PHF14: variants seen among roughly 807,000 people sequenced by gnomAD.
The protein encoded by PHF14 is PHD finger protein 14.
In PHF14, 55 loss-of-function variants were observed where a neutral mutation model predicts 117.9. The observed-to-expected ratio is 0.47, with a 90% CI of 0.38 to 0.58. The LOEUF is 0.58. Among genes scored for constraint, PHF14 ranks in the 20% least tolerant of loss-of-function variants. PHF14 has a pLI of 0.00. For missense variants in PHF14, 978 were observed against 1,122.2 expected (o/e 0.87, Z 1.84); for synonymous variants, 409 against 368.6 (o/e 1.11, Z -1.26).
intron 16 of PHF14, among the ~76,000 whole-genome samples, chr7:11,093,339 C>T (rs529800375): frequency 1.1e-4 from 17 of 152,216 alleles, no homozygotes; most frequent in African/African-American, 3.1e-4. Context: ...AGAATACTTA[C>T]GCCTGAAAAG....
chr7:11,059,029 G>A (rs957608574), intron 14 of PHF14, among the ~76,000 whole-genome samples: 5 of 152,056 alleles, frequency 3.3e-5, no homozygotes, highest in African/African-American at 9.7e-5. Context: ...GGTAATAAAT[G>A]TACTTAAAGT....
At chr7:11,044,988 TG>T (rs1180008488) in intron 13 of PHF14, among the ~76,000 whole-genome samples, 4 of 152,216 alleles carry the variant, frequency 2.6e-5, no homozygotes, top group Admixed American at 2.6e-4. Flanking sequence ...ATTTGGATTT[TG>T]GAGCACTTCA....
intron 7 of PHF14, among the ~76,000 whole-genome samples, chr7:11,032,096 C>G (rs1784140608): frequency 6.6e-6 from 1 of 151,662 alleles, no homozygotes; most frequent in Non-Finnish European, 1.5e-5. Context: ...AAGACCCAAT[C>G]TCTACACAAA....
chr7:11,140,688 A>G (rs916974721), intron 17 of PHF14, among the ~76,000 whole-genome samples: 9 of 152,270 alleles, frequency 5.9e-5, no homozygotes, highest in African/African-American at 1.9e-4. Flanking sequence ...ATTTCAAGCA[A>G]GGAAGTTGAA....
In PHF14 at chr7:11,051,674, C is replaced by T; in HGVS notation, c.2375C>T (p.Thr792Ile). ...ATGGAAGCAGATATGGCCATGGAAA[C>T]CCTACCAGATGGAACCAAACGATCA... ...SDMEADMAME[T>I]LPDGTKRSRR... is the part of the protein sequence containing the mutation. The change falls in exon 14 of 18, where the codon ACC becomes ATC. Residue 792 changes from threonine (T) to isoleucine (I), a missense_variant. Physicochemically the swap from Thr to Ile is moderately conservative, Grantham distance 89. This residue lies in a region of PHF14 where 180 missense variants were observed against 195.4 expected (regional missense o/e 0.92). Coordinates refer to ENST00000634607, the MANE Select transcript of PHF14 (RefSeq NM_001007157.2). 1 of 1,613,570 alleles carries T rather than the reference C, an allele frequency of 6.2e-7. No homozygotes were observed. The highest frequency in any genetic ancestry group is 8.5e-7 in the Non-Finnish European group (1 of 1,179,686).
At chr7:11,017,254 G>A (rs112693107) in intron 5 of PHF14, among the ~76,000 whole-genome samples, 2,288 of 151,644 alleles carry the variant, frequency 0.015, 47 homozygotes, top group African/African-American at 0.053. Context: ...CCTTTCTTTC[G>A]GATGTATACC....
intron 16 of PHF14, among the ~76,000 whole-genome samples, chr7:11,072,437 C>A (rs969596674): frequency 6.6e-6 from 1 of 152,160 alleles, no homozygotes; most frequent in Non-Finnish European, 1.5e-5. Context: ...CGTATCCAAA[C>A]TATATCAAGG....
intron 17 of PHF14, among the ~76,000 whole-genome samples, chr7:11,116,034 A>G (rs1787592885): frequency 6.6e-6 from 1 of 151,968 alleles, no homozygotes; most frequent in Admixed American, 6.6e-5. Context: ...CTGGGGAAGA[A>G]CCTTGAGACT....
At chr7:11,072,970 TGAGG>T (rs536098837) in intron 16 of PHF14, among the ~76,000 whole-genome samples, 1 of 152,198 alleles carries the variant, frequency 6.6e-6, no homozygotes, top group Non-Finnish European at 1.5e-5. Flanking sequence ...CAAGCATTCA[TGAGG>T]GATCTGCCCC....
At chr7:11,023,126 TTTTC>T in intron 6 of PHF14, 147 bp downstream of exon 6, 2 of 512,218 alleles carry the variant, frequency 3.9e-6, no homozygotes, top group Non-Finnish European at 7.0e-6. Context: ...TTGATAGTAG[TTTTC>T]CTAGAAAGCC....
intron 2 of PHF14, among the ~76,000 whole-genome samples, chr7:10,980,208 G>A (rs17163862): frequency 1.5e-3 from 227 of 152,080 alleles, no homozygotes; most frequent in African/African-American, 5.2e-3. Context: ...TTACTTTTGC[G>A]TCTATCGTGA....
intron 16 of PHF14, among the ~76,000 whole-genome samples, chr7:11,100,410 G>A (rs1203008981): frequency 1.3e-5 from 2 of 151,830 alleles, no homozygotes; most frequent in Non-Finnish European, 1.5e-5. Context: ...AGTCCTATGA[G>A]GTATATATAT....
At chr7:11,036,832 GT>G in intron 9 of PHF14, 144 bp downstream of exon 9, 1 of 976,044 alleles carries the variant, frequency 1.0e-6, no homozygotes, top group South Asian at 1.7e-5. Flanking sequence ...TATGTTGTGG[GT>G]TTTTACAAAA....
intron 16 of PHF14, chr7:11,106,972 A>T (rs1276391953): frequency 4.0e-5 from 39 of 983,226 alleles, no homozygotes; most frequent in Non-Finnish European, 4.6e-5. Flanking sequence ...AAAAATGTAC[A>T]TCCTTGTTCA....
chr7:10,978,453 C>G (rs1237300309), intron 2 of PHF14, among the ~76,000 whole-genome samples: 1 of 152,070 alleles, frequency 6.6e-6, no homozygotes, highest in Admixed American at 6.6e-5. Flanking sequence ...TTTAGATAAA[C>G]AGCAATCTTG....
intron 17 of PHF14, among the ~76,000 whole-genome samples, chr7:11,139,163 A>G (rs1323522983): frequency 6.6e-6 from 1 of 152,136 alleles, no homozygotes; most frequent in Admixed American, 6.5e-5. Context: ...ATTTAACACA[A>G]AATTTGCCAC....
chr7:11,119,506 G>A (rs1000018324), intron 17 of PHF14, among the ~76,000 whole-genome samples: 1 of 151,624 alleles, frequency 6.6e-6, no homozygotes, highest in Non-Finnish European at 1.5e-5. Context: ...CATGTTCATT[G>A]TGAAAAGATA....
At chr7:11,165,589 A>AGAGT (rs1194818932) in intron 17 of PHF14, among the ~76,000 whole-genome samples, 2 of 152,222 alleles carry the variant, frequency 1.3e-5, no homozygotes, top group Non-Finnish European at 2.9e-5. Flanking sequence ...CTGTACTCAT[A>AGAGT]GAGTGTAATT....
rs903554390 is a variant in PHF14, at chr7:11,048,464, C to T, written c.2313-3148C>T. Among the ~76,000 whole-genome samples, 170 of 152,028 alleles carry T rather than the reference C, an allele frequency of 1.1e-3. 1 individual carries two copies. The highest frequency in any genetic ancestry group is 4.0e-3 in the African/African-American group (164 of 41,450). ...GCAGGCACCTGTAATCCCAGCTACT[C>T]GGGAGGCTGAGGCAGAGAATTGCTT... On this transcript the variant is annotated intron_variant, in intron 13 of 17. Coordinates refer to ENST00000634607, the MANE Select transcript of PHF14 (RefSeq NM_001007157.2).
Sources: allele counts gnomAD v4.1 joint callset (sites outside exome capture counted in the v4.1 genomes callset), GRCh38; gene constraint gnomAD v4.1.1; regional missense constraint gnomAD v4.1.1; transcripts MANE v1.5; gene names NCBI Gene and HGNC (gene_info 2026-07-23, HGNC 2026-07-21).